The following UMODL1 variants were observed in gnomAD, a reference collection of about 807,000 sequenced individuals.
UMODL1 encodes the protein uromodulin-like 1.
Under a neutral mutation model 136.3 loss-of-function variants are expected in UMODL1, and 128 were observed. That is an observed-to-expected ratio of 0.94 (90% CI 0.81 to 1.09). The LOEUF (loss-of-function observed/expected upper bound fraction) is 1.09, where lower values mean the gene tolerates loss of function less well. Ranked by LOEUF, UMODL1 falls within the 50% of genes least tolerant of loss-of-function variation. UMODL1 has a pLI of 0.00. For missense variants in UMODL1, 1,766 were observed against 1,725.6 expected (o/e 1.02, Z -0.41); for synonymous variants, 721 against 720.0 (o/e 1.00, Z -0.02).
intron 2 of UMODL1, among the ~76,000 whole-genome samples, chr21:42,077,553 C>CTA (rs1359934468): frequency 3.3e-5 from 5 of 152,250 alleles, no homozygotes; most frequent in Non-Finnish European, 7.3e-5. Context: ...GGCTTTAAGA[C>CTA]TATTACAAGG....
rs746832842 is a variant in UMODL1 at position 42,123,127 on chromosome 21, G to A, written c.3124G>A (p.Glu1042Lys). 1.1e-4 allele frequency: 183 copies of A among 1,613,488 alleles called. No homozygotes were observed. Among genetic ancestry groups the A allele is most frequent in the Non-Finnish European group, 1.5e-4 (177 of 1,179,732 alleles). Residue 1042 changes from glutamate (E) to lysine (K), a missense_variant, in exon 17 of 23, where the codon GAG becomes AAG. Transcript: ENST00000408910. The surrounding 1 kb of genome is among the most constrained non-coding windows in gnomAD (Gnocchi z 4.4). ...CGTGCTCCTGGAGGCCGGCTGGAGC[G>A]AGTGTGGGACCCTCATGCAGAGCGT... ...THVLLEAGWSECGTLMQSNMT... is the reference protein window; with the variant it reads ...THVLLEAGWSKCGTLMQSNMT...
Position 42,127,231 on chromosome 21 carries a change from C to T in UMODL1, c.3519C>T (p.Phe1173=). Residue 1173 remains phenylalanine (F), a synonymous_variant, in exon 19 of 23, where the codon TTC becomes TTT. Coordinates refer to ENST00000408910, the MANE Select transcript of UMODL1 (RefSeq NM_001004416.3). ...CCCGGGACCCCATCACCTTCAGCTTCATTAACAACAGGTAGGGCTCAGGAG... is the reference window on the plus strand; with the variant it reads ...CCCGGGACCCCATCACCTTCAGCTTTATTAACAACAGGTAGGGCTCAGGAG... The part of the protein sequence containing the change: ...SNARDPITFS[F]INNSCPVPNT... 1 of 1,614,090 alleles carries T rather than the reference C, an allele frequency of 6.2e-7. No homozygotes were observed. Among genetic ancestry groups the T allele is most frequent in the Non-Finnish European group, 8.5e-7 (1 of 1,180,024 alleles).
intron 21 of UMODL1, among the ~76,000 whole-genome samples, chr21:42,135,724 G>A (rs1190359320): frequency 6.6e-6 from 1 of 152,180 alleles, no homozygotes; most frequent in Non-Finnish European, 1.5e-5. Context: ...TTCTTGGGGA[G>A]GGTGGAGTCA....
intron 2 of UMODL1, among the ~76,000 whole-genome samples, chr21:42,079,086 A>G (rs917932486): frequency 1.3e-5 from 2 of 152,132 alleles, no homozygotes; most frequent in Non-Finnish European, 2.9e-5. Flanking sequence ...TGTGAAGGCC[A>G]CACCTCTTCC....
At chr21:42,082,031 G>C (rs982458379) in intron 2 of UMODL1, among the ~76,000 whole-genome samples, 1 of 152,230 alleles carries the variant, frequency 6.6e-6, no homozygotes, top group Non-Finnish European at 1.5e-5. Context: ...TGGATGATGA[G>C]GAGATGAAGA....
At chr21:42,064,722 A>G (rs1229786459) in intron 1 of UMODL1, among the ~76,000 whole-genome samples, 1 of 151,916 alleles carries the variant, frequency 6.6e-6, no homozygotes, top group Non-Finnish European at 1.5e-5. Flanking sequence ...CACCTGGCTA[A>G]TTTTTGTATT....
chr21:42,087,871 G>C (rs1042647129), intron 4 of UMODL1, among the ~76,000 whole-genome samples: 2 of 152,216 alleles, frequency 1.3e-5, no homozygotes, highest in African/African-American at 4.8e-5. Context: ...GCAGACGGCT[G>C]TCTTCTCTGT....
chr21:42,109,774 C>T, intron 10 of UMODL1, 75 bp downstream of exon 10: 2 of 1,532,666 alleles, frequency 1.3e-6, no homozygotes, highest in Non-Finnish European at 8.8e-7. Context: ...AAGCCCAATT[C>T]TCCATAGGCA....
At chr21:42,138,822 G>C (rs1472790505) in intron 22 of UMODL1, among the ~76,000 whole-genome samples, 1 of 152,164 alleles carries the variant, frequency 6.6e-6, no homozygotes, top group Non-Finnish European at 1.5e-5. Context: ...TGATCCACCC[G>C]TCTCGGCCTC....
intron 9 of UMODL1, among the ~76,000 whole-genome samples, chr21:42,105,634 GAGACAC>G (rs1287443629): frequency 6.6e-6 from 1 of 152,180 alleles, no homozygotes; most frequent in Non-Finnish European, 1.5e-5. Context: ...ACAAGAGGAG[GAGACAC>G]AGACACAGAG....
At chr21:42,094,234 G>A (rs1377340658) in intron 6 of UMODL1, among the ~76,000 whole-genome samples, 1 of 152,192 alleles carries the variant, frequency 6.6e-6, no homozygotes, top group Non-Finnish European at 1.5e-5. Flanking sequence ...AATAGGGCAG[G>A]ACACACTAAT....
intron 21 of UMODL1, among the ~76,000 whole-genome samples, chr21:42,137,203 C>T (rs367646309): frequency 3.9e-5 from 6 of 152,248 alleles, no homozygotes; most frequent in African/African-American, 4.8e-5. Context: ...GCTGGTCCCG[C>T]GCAGCCCCAC....
At chr21:42,116,791 C>T (rs933029699) in intron 14 of UMODL1, among the ~76,000 whole-genome samples, 3 of 152,178 alleles carry the variant, frequency 2.0e-5, no homozygotes, top group Non-Finnish European at 4.4e-5. Context: ...AGAAGTCACT[C>T]GCAGCTGGGC....
intron 21 of UMODL1, among the ~76,000 whole-genome samples, chr21:42,133,888 T>TTTTGTTTTG (rs1555934295): frequency 7.4e-4 from 111 of 150,738 alleles, no homozygotes; most frequent in Middle Eastern, 3.5e-3. Flanking sequence ...ATATATCTGT[T>TTTTGTTTTG]TTTTGTTTTG....
At chr21:42,116,218 G>T (rs1308841458) in intron 14 of UMODL1, among the ~76,000 whole-genome samples, 1 of 149,964 alleles carries the variant, frequency 6.7e-6, no homozygotes, top group Non-Finnish European at 1.5e-5. Context: ...GCCTGTCATG[G>T]TGGCGCATGT....
intron 2 of UMODL1, among the ~76,000 whole-genome samples, chr21:42,077,486 A>C (rs569604645): frequency 4.0e-4 from 36 of 89,228 alleles, no homozygotes; most frequent in African/African-American, 1.6e-3. Flanking sequence ...GAAATAAAGT[A>C]GGCAAAAAGT....
upstream of UMODL1, among the ~76,000 whole-genome samples, chr21:42,068,843 C>A (rs1460781198): frequency 4.6e-5 from 7 of 152,070 alleles, no homozygotes; most frequent in Admixed American, 4.6e-4. The surrounding 1 kb of genome is among the most constrained non-coding windows in gnomAD (Gnocchi z 5.5). Flanking sequence ...TGTGTTTATG[C>A]CCAGTGTGAG....
chr21:42,126,492 T>C lies in UMODL1; in HGVS notation c.3293+2T>C. ...CTCCGGCTTCACCCTGGAGTGGGGG[T>C]AAGGGAGAAATGCCCCGGCTGCCCC... is the stretch of plus-strand genomic sequence containing the variant. On this transcript the variant is annotated splice_donor_variant, in intron 18 of 22. Transcript: ENST00000408910. LOFTEE classifies it high-confidence loss of function. 6.2e-7 allele frequency: 1 copy of C among 1,613,878 alleles called. No individual in the cohort carries two copies.
chr21:42,128,869 T>A (rs904959487), intron 20 of UMODL1, among the ~76,000 whole-genome samples: 1 of 152,224 alleles, frequency 6.6e-6, no homozygotes, highest in Non-Finnish European at 1.5e-5. Flanking sequence ...TCCGGGCTGC[T>A]GTAGGAACGT....
Sources: allele counts gnomAD v4.1 joint callset (sites outside exome capture counted in the v4.1 genomes callset), GRCh38; gene constraint gnomAD v4.1.1; non-coding constraint Gnocchi (gnomAD v3.1); transcripts MANE v1.5; gene names NCBI Gene and HGNC (gene_info 2026-07-23, HGNC 2026-07-21).